The following PDXDC1 variants were observed in gnomAD, a reference collection of about 807,000 sequenced individuals.
The protein encoded by PDXDC1 is pyridoxal dependent decarboxylase domain containing 1.
In PDXDC1, 42 loss-of-function variants were observed where a neutral mutation model predicts 100.1. The ratio of observed to expected loss-of-function variants is 0.42; its 90% CI spans 0.33 to 0.54. The LOEUF (loss-of-function observed/expected upper bound fraction) is 0.54. PDXDC1 is among the 20% of genes least tolerant of loss of function. The pLI, the probability that PDXDC1 is intolerant of heterozygous loss-of-function variation, is 0.10. For missense variants in PDXDC1, 636 were observed against 979.2 expected, an observed-to-expected ratio of 0.65 and a Z score of 4.68; for synonymous variants, 260 against 371.7, an observed-to-expected ratio of 0.70 and a Z score of 3.46.
chr16:15,125,492 C>A (rs2047660317), intron 16 of PDXDC1: 2 of 1,242,442 alleles, frequency 1.6e-6, no homozygotes, highest in East Asian at 2.3e-5. Context: ...CCGCACACCC[C>A]CGGTACTCCA....
At chr16:15,032,090 T>C in intron 17 of PDXDC1, 184 bp downstream of exon 17, 2 of 603,456 alleles carry the variant, frequency 3.3e-6, no homozygotes, top group Non-Finnish European at 5.9e-6. Flanking sequence ...TTGGCCAGCG[T>C]GGCGCTCAGG....
At chr16:14,988,396 G>T in intron 1 of PDXDC1, 1 of 1,614,306 alleles carries the variant, frequency 6.2e-7, no homozygotes, top group Non-Finnish European at 8.5e-7. Flanking sequence ...AGGAAGGGCA[G>T]CCCGGGGTCC....
intron 8 of PDXDC1, among the ~76,000 whole-genome samples, chr16:15,012,120 T>G (rs77056031): frequency 2.2e-4 from 33 of 152,230 alleles, no homozygotes; most frequent in Admixed American, 5.2e-4. Context: ...TTTTTTTTTT[T>G]GGAGATGGAG....
At chr16:15,056,063 G>A in intron 16 of PDXDC1, 1 of 461,198 alleles carries the variant, frequency 2.2e-6, no homozygotes, top group Non-Finnish European at 2.9e-6. Flanking sequence ...CTCGGGCCGC[G>A]CGTCCCGCCT....
intron 16 of PDXDC1, chr16:15,125,184 C>T (rs1235591811): frequency 2.2e-6 from 1 of 460,056 alleles, no homozygotes; most frequent in African/African-American, 2.3e-5. Flanking sequence ...AAAAAAGAAG[C>T]CCTAGATTTC....
intron 16 of PDXDC1, chr16:15,063,430 T>C (rs1365586022): frequency 1.7e-5 from 12 of 694,112 alleles, no homozygotes; most frequent in Non-Finnish European, 2.8e-5. Context: ...AAAACCTGGC[T>C]GGGTGCAGTG....
At chr16:14,977,882 A>G (rs1174216825) in intron 1 of PDXDC1, among the ~76,000 whole-genome samples, 3 of 152,296 alleles carry the variant, frequency 2.0e-5, no homozygotes, top group Non-Finnish European at 4.4e-5. Flanking sequence ...GATTACAGAA[A>G]CCACAATGTT....
downstream of PDXDC1, chr16:15,038,343 A>T (rs1180457130): frequency 1.4e-6 from 1 of 696,480 alleles, no homozygotes; most frequent in Non-Finnish European, 2.3e-6. Context: ...GGTGGCCTGA[A>T]TTAGTAAGAA....
Position 15,059,190 on chromosome 16 carries a change from A to G in PDXDC1, c.1399+29134A>G, listed in dbSNP as rs188951523. On this transcript the variant is annotated intron_variant, in intron 16 of 16. Transcript: ENST00000535621. ...CAATCAAAGGTTGAGTTGGTGTGTG[A>G]CGTGAGCCTGGGCATCCTTAGTTTC... Among the ~76,000 whole-genome samples the G allele has an allele frequency of 1.4e-3, 218 of 152,286 alleles. 1 individual carries two copies. The highest frequency in any genetic ancestry group is 4.8e-3 in the African/African-American group (199 of 41,568).
chr16:14,992,473 C>T (rs1971066556), intron 1 of PDXDC1, among the ~76,000 whole-genome samples: 1 of 152,276 alleles, frequency 6.6e-6, no homozygotes, highest in Admixed American at 6.5e-5. Flanking sequence ...GGAGCATCAC[C>T]AGCTGACTCA....
chr16:14,997,672 A>G lies in PDXDC1; in HGVS notation c.22-81A>G, dbSNP rs1344759956. 2.9e-6 allele frequency: 4 copies of G among 1,379,428 alleles called. No individual in the cohort carries two copies. The African/African-American group carries it at 4.5e-5, about 15-fold the overall frequency. The allele number at this position is 1,379,428 out of a possible 1,614,324, so 85.4% of individuals were successfully genotyped here. On this transcript the variant is annotated intron_variant, in intron 1 of 22. Transcript: ENST00000396410. ...ACAGTAAATCCAGAAGAAATTATGC[A>G]CTTAATTTTTCTGGGTGAATTGTGT...
In PDXDC1 at chr16:15,037,192, A is replaced by G. The variant is rs2043505909; in HGVS notation, c.*917A>G. The G allele has an allele frequency of 6.6e-6, 1 of 152,254 alleles. No homozygotes were observed. The highest frequency in any genetic ancestry group is 1.5e-5 in the Non-Finnish European group (1 of 68,056). 9.4% of individuals were successfully genotyped at this position (152,254 alleles called of 1,614,324 possible). A position where few individuals can be genotyped will look rare whatever the true frequency, so the allele number is the denominator to read the frequency against. On this transcript the variant is annotated 3_prime_UTR_variant, in exon 23 of 23. Coordinates refer to ENST00000396410, the MANE Select transcript of PDXDC1 (RefSeq NM_015027.4). ...GCCCAACTCAGAAACAGGAGCCAGC[A>G]GAGCACTCTCTCACGCTGATCCAGC...
At chr16:15,065,272 G>C in intron 16 of PDXDC1, 2 of 1,613,912 alleles carry the variant, frequency 1.2e-6, no homozygotes, top group East Asian at 2.2e-5. Flanking sequence ...GGTTTGTGCA[G>C]ATCTGCACTG....
At chr16:15,038,662 G>A, downstream of PDXDC1, 1 of 1,593,628 alleles carries the variant, frequency 6.3e-7, no homozygotes, top group Non-Finnish European at 8.6e-7. Flanking sequence ...AAGTTGTTCT[G>A]TCTCTGCATC....
chr16:15,102,098 G>A (rs1189593935), intron 16 of PDXDC1, among the ~76,000 whole-genome samples: 4 of 152,066 alleles, frequency 2.6e-5, no homozygotes, highest in East Asian at 1.9e-4. Flanking sequence ...CACCTGCCTC[G>A]GCCTCTCAAA....
the PDXDC1 span, among the ~76,000 whole-genome samples, chr16:15,147,494 C>T: frequency 6.6e-6 from 1 of 152,304 alleles, no homozygotes; most frequent in South Asian, 2.1e-4. Flanking sequence ...CAGGGCCCGG[C>T]GTGGCCACCG....
At chr16:15,043,953 AAG>A (rs1426098189) in intron 16 of PDXDC1, among the ~76,000 whole-genome samples, 14 of 152,194 alleles carry the variant, frequency 9.2e-5, no homozygotes, top group Non-Finnish European at 1.6e-4. Flanking sequence ...ATCTCAAAAA[AAG>A]AAAAAAAAAG....
At chr16:14,998,253 A>T in intron 2 of PDXDC1, 87 bp from the exon 3 acceptor site, 2 of 1,348,002 alleles carry the variant, frequency 1.5e-6, no homozygotes, top group Non-Finnish European at 2.1e-6. Flanking sequence ...GGGAGGTTAT[A>T]GGCAACATGG....
At chr16:15,127,916 C>T (rs1248364905) in intron 16 of PDXDC1, 69 of 1,405,352 alleles carry the variant, frequency 4.9e-5, no homozygotes, top group Non-Finnish European at 6.5e-5. Context: ...CAGGGAGGGC[C>T]GCACTGCAGG....
Sources: allele counts gnomAD v4.1 joint callset (sites outside exome capture counted in the v4.1 genomes callset), GRCh38; gene constraint gnomAD v4.1.1; transcripts MANE v1.5; gene names NCBI Gene and HGNC (gene_info 2026-07-23, HGNC 2026-07-21).